The following CPNE4 variants were observed in gnomAD, a reference collection of about 807,000 sequenced individuals.
The protein encoded by CPNE4 is copine-4.
A neutral mutation model predicts 67.9 loss-of-function variants in CPNE4; 25 were observed. The observed-to-expected ratio is 0.37, with a 90% CI of 0.27 to 0.51. CPNE4 has a LOEUF of 0.51. Among genes scored for constraint, CPNE4 ranks in the 20% least tolerant of loss-of-function variants. The pLI is 0.93. For missense variants in CPNE4, 464 were observed against 690.8 expected, an observed-to-expected ratio of 0.67 and a Z score of 3.68; for synonymous variants, 242 against 244.9, an observed-to-expected ratio of 0.99 and a Z score of 0.11.
chr3:131,962,410 T>C (rs761492819), intron 1 of CPNE4, among the ~76,000 whole-genome samples: 4 of 152,118 alleles, frequency 2.6e-5, no homozygotes, highest in Non-Finnish European at 4.4e-5. Context: ...AAGGCCCAGT[T>C]CACATGCAAT....
At chr3:131,766,819 T>C (rs573115051) in intron 2 of CPNE4, among the ~76,000 whole-genome samples, 1 of 152,286 alleles carries the variant, frequency 6.6e-6, no homozygotes, top group South Asian at 2.1e-4. Context: ...TTTCACAGTT[T>C]TGTTCATCTG....
intron 2 of CPNE4, among the ~76,000 whole-genome samples, chr3:131,731,537 C>G (rs1394056314): frequency 6.6e-6 from 1 of 152,104 alleles, no homozygotes; most frequent in African/African-American, 2.4e-5. Context: ...TATAGCTGTT[C>G]CTTTTCCCCA....
chr3:131,541,818 C>T (rs1009901964), intron 15 of CPNE4, among the ~76,000 whole-genome samples: 5 of 152,014 alleles, frequency 3.3e-5, no homozygotes, highest in South Asian at 2.1e-4. Context: ...TTACAGGCGC[C>T]TGCCACCACG....
chr3:131,885,235 G>A (rs1458416462), intron 2 of CPNE4, among the ~76,000 whole-genome samples: 1 of 152,040 alleles, frequency 6.6e-6, no homozygotes, highest in Non-Finnish European at 1.5e-5. Flanking sequence ...CTCCTGTTAT[G>A]TTTTAGCAAA....
intron 2 of CPNE4, among the ~76,000 whole-genome samples, chr3:131,832,007 A>AG (rs1243502785): frequency 2.6e-4 from 40 of 152,200 alleles, no homozygotes; most frequent in African/African-American, 9.6e-4. Context: ...AAAGATTCTT[A>AG]GCTTTTAGTT....
At chr3:132,022,180 C>T (rs376358342) in intron 1 of CPNE4, among the ~76,000 whole-genome samples, 1 of 152,196 alleles carries the variant, frequency 6.6e-6, no homozygotes, top group Non-Finnish European at 1.5e-5. Context: ...GAGCCCATTC[C>T]CTGGGCAGGG....
In CPNE4 at chr3:131,824,548, C is replaced by T. The variant is rs888376789; in HGVS notation, c.180+80716G>A. On this transcript the variant is annotated intron_variant, in intron 2 of 15. Coordinates refer to ENST00000429747, the MANE Select transcript of CPNE4 (RefSeq NM_130808.3). Reference sequence around the variant, plus strand: ...TGGGACTGCAGAGGTTAAGACCAGTCGGCGGTCTATTGGTCTTTTAATGTT... The same window carrying T: ...TGGGACTGCAGAGGTTAAGACCAGTTGGCGGTCTATTGGTCTTTTAATGTT... Among the ~76,000 whole-genome samples, 5 of 151,772 alleles carry T rather than the reference C, an allele frequency of 3.3e-5. No individual in the cohort carries two copies. In the South Asian group the frequency reaches 8.4e-4, roughly 25 times the overall value.
At chr3:131,705,934 A>T (rs11705814) in intron 3 of CPNE4, among the ~76,000 whole-genome samples, 34,605 of 152,086 alleles carry the variant, frequency 0.23, 4,654 homozygotes, top group South Asian at 0.31. Flanking sequence ...TATTAGTCAG[A>T]GGCCATCTGC....
intron 1 of CPNE4, among the ~76,000 whole-genome samples, chr3:131,993,467 A>G (rs2073215661): frequency 1.3e-5 from 1 of 79,674 alleles, no homozygotes; most frequent in African/African-American, 3.3e-5. Flanking sequence ...CGTGTGCAGG[A>G]GTGGCAAAAA....
At chr3:131,552,064 GAAA>G (rs5852631) in intron 13 of CPNE4, among the ~76,000 whole-genome samples, 19,393 of 124,816 alleles carry the variant, frequency 0.16, 1,375 homozygotes, top group African/African-American at 0.2. Context: ...ATGAAGTTGT[GAAA>G]AAAAAAAAAA....
intron 2 of CPNE4, 113 bp from the exon 3 acceptor site, chr3:131,723,738 C>T: frequency 1.1e-6 from 1 of 946,772 alleles, no homozygotes; most frequent in Non-Finnish European, 1.6e-6. Flanking sequence ...TGCTCCCCAG[C>T]AAGTCATTGG....
chr3:131,775,225 C>T (rs1338463939), intron 2 of CPNE4, among the ~76,000 whole-genome samples: 1 of 152,092 alleles, frequency 6.6e-6, no homozygotes, highest in East Asian at 1.9e-4. Flanking sequence ...AGAGAAGTGT[C>T]TGGGGCTATG....
Position 131,555,542 on chromosome 3 carries a change from C to T in CPNE4, c.1071G>A (p.Met357Ile). The change falls in exon 12 of 16, where the codon ATG (methionine) becomes ATA (isoleucine). Residue 357 changes from methionine (M) to isoleucine (I), a missense_variant. This residue lies in a region of CPNE4 where 201 missense variants were observed against 357.7 expected (regional missense o/e 0.56). Coordinates refer to ENST00000429747, the MANE Select transcript of CPNE4 (RefSeq NM_130808.3). ...EICQDYDSDK[M>I]FPAFGFGARI... ...TGGCGCCAAACCCAAAGGCAGGGAACATTTTGTCACTGAAACCAAAATGAA... is the reference window on the plus strand; with the variant it reads ...TGGCGCCAAACCCAAAGGCAGGGAATATTTTGTCACTGAAACCAAAATGAA... 1.2e-6 allele frequency: 2 copies of T among 1,612,546 alleles called. No individual in the cohort carries two copies. Among genetic ancestry groups the T allele is most frequent in the South Asian group, 2.2e-5 (2 of 90,896 alleles).
chr3:131,860,760 G>A (rs1413923106), intron 2 of CPNE4, among the ~76,000 whole-genome samples: 2 of 152,110 alleles, frequency 1.3e-5, no homozygotes, highest in Non-Finnish European at 2.9e-5. Flanking sequence ...ACTACCTATC[G>A]TCTGTGTGCC....
At chr3:131,750,568 T>C (rs1405902103) in intron 2 of CPNE4, among the ~76,000 whole-genome samples, 3 of 152,144 alleles carry the variant, frequency 2.0e-5, no homozygotes, top group Non-Finnish European at 4.4e-5. Context: ...AACTTTACTT[T>C]CCCCAATGTC....
chr3:131,574,903 G>A (rs557167718), intron 10 of CPNE4, among the ~76,000 whole-genome samples, 168 bp downstream of exon 10: 2 of 152,218 alleles, frequency 1.3e-5, no homozygotes, highest in East Asian at 1.9e-4. Flanking sequence ...AAACAGAAGT[G>A]TGAACACATT....
chr3:131,792,971 C>A (rs1465431110), intron 2 of CPNE4, among the ~76,000 whole-genome samples: 3 of 147,042 alleles, frequency 2.0e-5, no homozygotes, highest in Non-Finnish European at 4.5e-5. Flanking sequence ...TTTTCCACTC[C>A]CTTCTCCCAT....
At chr3:132,018,066 T>G (rs2073923443) in intron 1 of CPNE4, among the ~76,000 whole-genome samples, 1 of 152,212 alleles carries the variant, frequency 6.6e-6, no homozygotes, top group Non-Finnish European at 1.5e-5. Flanking sequence ...CAACTCTTTG[T>G]GGCAATCCTA....
intron 3 of CPNE4, among the ~76,000 whole-genome samples, chr3:131,700,774 G>A (rs1214355637): frequency 2.6e-5 from 4 of 152,128 alleles, no homozygotes; most frequent in African/African-American, 7.2e-5. Context: ...AAATCATGCT[G>A]CTATAAAGAC....
Sources: allele counts gnomAD v4.1 joint callset (sites outside exome capture counted in the v4.1 genomes callset), GRCh38; gene constraint gnomAD v4.1.1; regional missense constraint gnomAD v4.1.1; transcripts MANE v1.5; gene names NCBI Gene and HGNC (gene_info 2026-07-23, HGNC 2026-07-21).